ALLC: variants seen among roughly 807,000 people sequenced by gnomAD.
The protein encoded by ALLC is probable inactive allantoicase.
In ALLC, 40 loss-of-function variants were observed where a neutral mutation model predicts 45.0. The ratio of observed to expected loss-of-function variants is 0.89; its 90% CI spans 0.69 to 1.16. ALLC has a LOEUF of 1.16. Ranked by LOEUF, ALLC falls within the 50% of genes most tolerant of loss-of-function variation. ALLC has a pLI of 0.00. For missense variants in ALLC, 488 were observed against 493.1 expected, an observed-to-expected ratio of 0.99 and a Z score of 0.10; for synonymous variants, 176 against 178.1, an observed-to-expected ratio of 0.99 and a Z score of 0.09.
At chr2:3,671,799 C>G (rs865818545) in intron 2 of ALLC, among the ~76,000 whole-genome samples, 1 of 116,366 alleles carries the variant, frequency 8.6e-6, no homozygotes, top group African/African-American at 3.7e-5. Flanking sequence ...GGTCCTCTGG[C>G]TCTGGTTAGA....
intron 1 of ALLC, among the ~76,000 whole-genome samples, chr2:3,658,876 CAAA>C (rs566003324): frequency 2.9e-5 from 2 of 69,092 alleles, no homozygotes; most frequent in Admixed American, 1.8e-4. Context: ...GACCCTGTCT[CAAA>C]AAAAAAAAAA....
chr2:3,653,202 CCTT>C (rs1356442684), upstream of ALLC, among the ~76,000 whole-genome samples: 1 of 152,270 alleles, frequency 6.6e-6, no homozygotes, highest in Non-Finnish European at 1.5e-5. The surrounding 1 kb of genome is among the most constrained non-coding windows in gnomAD (Gnocchi z 4.1). Context: ...CACTCTGTCT[CCTT>C]CTGTGCCCCA....
chr2:3,647,466 C>G, the ALLC span, among the ~76,000 whole-genome samples: 61 of 152,226 alleles, frequency 4.0e-4, 1 homozygote, highest in African/African-American at 1.4e-3. Context: ...GCAGAGTATT[C>G]CAGAGTGTGG....
At chr2:3,699,561 CTTT>C (rs1271695571) in intron 10 of ALLC, among the ~76,000 whole-genome samples, 9 of 152,138 alleles carry the variant, frequency 5.9e-5, no homozygotes, top group Non-Finnish European at 1.2e-4. Flanking sequence ...GTTTTTAGTT[CTTT>C]GAGGAATCGC....
Position 3,687,102 on chromosome 2 carries a change from G to GT in ALLC, c.511+4037dup, listed in dbSNP as rs779207987. On this transcript the variant is annotated intron_variant, in intron 7 of 11. Coordinates refer to ENST00000252505, the MANE Select transcript of ALLC (RefSeq NM_018436.4). ...ATGTGGCTTTTGTTATTTTGAGGTA[G>GT]TTTTTTTTTCTATACCCAATTTATT... Among the ~76,000 whole-genome samples the GT allele has an allele frequency of 1.2e-4, 18 of 149,312 alleles. 2 individuals carry two copies. The highest frequency in any genetic ancestry group is 2.1e-4 in the Non-Finnish European group (14 of 66,928).
chr2:3,648,856 A>G, the ALLC span, among the ~76,000 whole-genome samples: 1 of 152,158 alleles, frequency 6.6e-6, no homozygotes, highest in Non-Finnish European at 1.5e-5. Context: ...GAAACATCCT[A>G]AGCCTCAGTT....
At chr2:3,674,025 G>T (rs1666957987) in intron 2 of ALLC, 50 bp from the exon 3 acceptor site, 4 of 1,321,140 alleles carry the variant, frequency 3.0e-6, no homozygotes, top group Non-Finnish European at 2.1e-6. Context: ...AAATAAAATG[G>T]TATCAGATTT....
chr2:3,652,448 AAGG>A, the ALLC span, among the ~76,000 whole-genome samples: 1 of 152,182 alleles, frequency 6.6e-6, no homozygotes, highest in Non-Finnish European at 1.5e-5. Flanking sequence ...CTTAGATACA[AAGG>A]AGGCTGGGAA....
At chr2:3,674,324 T>C (rs1171878694) in intron 3 of ALLC, among the ~76,000 whole-genome samples, 199 bp downstream of exon 3, 2 of 152,222 alleles carry the variant, frequency 1.3e-5, no homozygotes, top group Admixed American at 1.3e-4. Flanking sequence ...TCTGAGCAAG[T>C]AATTTGGGAC....
chr2:3,671,025 C>T, intron 1 of ALLC, 71 bp from the exon 2 acceptor site: 2 of 842,428 alleles, frequency 2.4e-6, no homozygotes, highest in South Asian at 1.6e-5. Flanking sequence ...ATCTTAGCGT[C>T]AGGAGCCTAG....
the ALLC span, among the ~76,000 whole-genome samples, chr2:3,647,817 C>T: frequency 9.2e-5 from 14 of 152,324 alleles, no homozygotes; most frequent in South Asian, 2.1e-3. Flanking sequence ...TGGACACTAG[C>T]GTTGTCTCAG....
At chr2:3,647,548 C>T in the ALLC span, among the ~76,000 whole-genome samples, 3 of 151,954 alleles carry the variant, frequency 2.0e-5, no homozygotes, top group African/African-American at 7.3e-5. Context: ...CCTGATGCCC[C>T]TGGGGGTCGC....
intron 7 of ALLC, among the ~76,000 whole-genome samples, chr2:3,694,221 A>G (rs1022878404): frequency 6.6e-6 from 1 of 152,234 alleles, no homozygotes; most frequent in Non-Finnish European, 1.5e-5. Flanking sequence ...CCCTAAGCAC[A>G]TGAAAGCTCT....
At position 3,697,423 on chromosome 2, in the gene ALLC, A is replaced by G; in HGVS notation, c.817A>G (p.Thr273Ala). Residue 273 changes from threonine to alanine, a missense_variant, in exon 10 of 12, where the codon ACT becomes GCT. Thr to Ala is a moderately conservative substitution (Grantham distance 58). Transcript: ENST00000252505. ...VFRLAHPGVI[T>A]RIEIDTKYFE... ...CCGATTGGCACATCCTGGAGTAATA[A>G]CTCGAATTGAAATTGACACAAAATA... The G allele has an allele frequency of 6.2e-7, 1 of 1,613,844 alleles. No homozygotes were observed. The highest frequency in any genetic ancestry group is 8.5e-7 in the Non-Finnish European group (1 of 1,179,836).
chr2:3,696,191 G>C, intron 8 of ALLC, 84 bp from the exon 9 acceptor site: 1 of 1,102,978 alleles, frequency 9.1e-7, no homozygotes, highest in Non-Finnish European at 1.3e-6. Flanking sequence ...AGATGCATAA[G>C]ATCTGTAATT....
chr2:3,676,539 G>A (rs1033696678), intron 3 of ALLC, among the ~76,000 whole-genome samples: 1 of 152,030 alleles, frequency 6.6e-6, no homozygotes, highest in African/African-American at 2.4e-5. Flanking sequence ...GAGCCACCGT[G>A]CCCGGCCCTA....
chr2:3,657,498 C>T (rs1166880896), upstream of ALLC, among the ~76,000 whole-genome samples: 4 of 152,070 alleles, frequency 2.6e-5, no homozygotes, highest in East Asian at 3.9e-4. Context: ...CAGGTGACCT[C>T]GGGTGGCTTT....
rs188925189 is a variant in ALLC at position 3,696,470 on chromosome 2, T to C, written c.741+122T>C. Reference sequence around the variant, plus strand: ...CATATGCATTGTTCTAAATGCTAATTACTATGATTTATATTTTCCAAATTT... The same window carrying C: ...CATATGCATTGTTCTAAATGCTAATCACTATGATTTATATTTTCCAAATTT... On this transcript the variant is annotated intron_variant, in intron 9 of 11. Transcript: ENST00000252505. The C allele has an allele frequency of 1.1e-3, 817 of 717,594 alleles. 2 individuals are homozygous for C. The highest frequency in any genetic ancestry group is 2.5e-3 in the Admixed American group (79 of 31,110). The allele number at this position is 717,594 out of a possible 1,614,324, so 44.5% of individuals were successfully genotyped here. A position where few individuals can be genotyped will look rare whatever the true frequency, so the allele number is the denominator to read the frequency against.
intron 1 of ALLC, among the ~76,000 whole-genome samples, chr2:3,663,993 T>C (rs1317322217): frequency 6.6e-6 from 1 of 152,226 alleles, no homozygotes; most frequent in Non-Finnish European, 1.5e-5. Context: ...TTAAATACCA[T>C]GTATAGCAAG....
Sources: gnomAD v4.1 joint callset for allele counts (sites outside exome capture counted in the v4.1 genomes callset) on GRCh38, gnomAD v4.1.1 for gene constraint, Gnocchi (gnomAD v3.1) non-coding constraint, MANE v1.5 for transcripts, NCBI Gene and HGNC (gene_info 2026-07-23, HGNC 2026-07-21) for gene names.